The following WSCD1 variants were observed in gnomAD, a reference collection of about 807,000 sequenced individuals.
The protein encoded by WSCD1 is sialate:O-sulfotransferase 1.
WSCD1 carries 41 observed loss-of-function variants against 60.4 expected under a neutral mutation model. The ratio of observed to expected loss-of-function variants is 0.68; its 90% CI spans 0.53 to 0.88. The LOEUF is 0.88. WSCD1 is among the 40% of genes least tolerant of loss of function. The pLI, the probability that WSCD1 is intolerant of heterozygous loss-of-function variation, is 0.00. For missense variants in WSCD1, 784 were observed against 796.2 expected (o/e 0.98, Z 0.18); for synonymous variants, 361 against 332.5 (o/e 1.09, Z -0.93).
intron 2 of WSCD1, among the ~76,000 whole-genome samples, chr17:6,086,252 T>C (rs201387743): frequency 9.2e-6 from 1 of 108,974 alleles, no homozygotes; most frequent in Non-Finnish European, 2.1e-5. Flanking sequence ...CCTGACTTCA[T>C]ATATATATAT....
chr17:6,082,100 G>A (rs1366255766), intron 2 of WSCD1: 1 of 152,218 alleles, frequency 6.6e-6, no homozygotes, highest in South Asian at 2.1e-4. Context: ...CTATGCACCT[G>A]TAAGTCTGCT....
rs766340121 is a variant in WSCD1 at position 6,090,416 on chromosome 17, A to G, written c.638A>G (p.Glu213Gly). The G allele has an allele frequency of 4.3e-6, 7 of 1,612,170 alleles. No homozygotes were observed. The highest frequency in any genetic ancestry group is 5.1e-6 in the Non-Finnish European group (6 of 1,179,240). ...VSVGLEECNH[E>G]CKGEKGSVCG... ...GTGGGGCTGGAAGAGTGTAACCATG[A>G]GTGCAAAGGCGAGAAGGGCTCTGTG... is the stretch of plus-strand genomic sequence containing the variant. Residue 213 changes from glutamate (E) to glycine (G), a missense_variant, in exon 4 of 9, where the codon GAG becomes GGG. Physicochemically the swap from Glu to Gly is moderately conservative, Grantham distance 98 (BLOSUM62 -2). Transcript: ENST00000317744.
At chr17:6,099,045 G>T (rs1910628505) in intron 5 of WSCD1, among the ~76,000 whole-genome samples, 3 of 138,886 alleles carry the variant, frequency 2.2e-5, no homozygotes, top group Non-Finnish European at 4.8e-5. Context: ...AAGCAGCCCA[G>T]GTGGCCCAGC....
At chr17:6,091,922 C>T (rs752595427) in intron 4 of WSCD1, among the ~76,000 whole-genome samples, 3 of 152,218 alleles carry the variant, frequency 2.0e-5, no homozygotes, top group Non-Finnish European at 2.9e-5. Flanking sequence ...TTTGGGAGGC[C>T]AAGGCGGGCG....
chr17:6,083,021 G>C (rs549570214), intron 2 of WSCD1, among the ~76,000 whole-genome samples: 1 of 152,120 alleles, frequency 6.6e-6, no homozygotes, highest in Admixed American at 6.5e-5. Context: ...AGCAAGGCTC[G>C]TGTGTCAGAA....
chr17:6,074,547 A>T (rs1388153452), intron 1 of WSCD1, among the ~76,000 whole-genome samples: 1 of 152,208 alleles, frequency 6.6e-6, no homozygotes, highest in African/African-American at 2.4e-5. Context: ...CTGACTCAAG[A>T]CCACACACTA....
intron 4 of WSCD1, among the ~76,000 whole-genome samples, chr17:6,094,806 G>A (rs1167230974): frequency 1.3e-5 from 2 of 151,924 alleles, no homozygotes; most frequent in East Asian, 1.9e-4. Flanking sequence ...AAGGGAGGGA[G>A]GAAGGGAGGA....
intron 4 of WSCD1, among the ~76,000 whole-genome samples, chr17:6,093,710 A>G (rs1446173543): frequency 6.6e-6 from 1 of 152,214 alleles, no homozygotes; most frequent in Non-Finnish European, 1.5e-5. Flanking sequence ...ACATGGCCCC[A>G]TCAGGGGATG....
intron 3 of WSCD1, among the ~76,000 whole-genome samples, chr17:6,088,886 C>T (rs1013422197): frequency 1.3e-5 from 2 of 152,064 alleles, no homozygotes; most frequent in African/African-American, 2.4e-5. Context: ...GGGTTCACGC[C>T]ATTCGCCTGC....
intron 4 of WSCD1, 74 bp from the exon 5 acceptor site, chr17:6,095,028 C>T (rs759954228): frequency 2.1e-4 from 327 of 1,551,238 alleles, no homozygotes; most frequent in Non-Finnish European, 2.8e-4. Flanking sequence ...GACCTAAAGC[C>T]AGCATTTTCC....
At chr17:6,097,990 G>A (rs1226228193) in intron 5 of WSCD1, among the ~76,000 whole-genome samples, 3 of 148,184 alleles carry the variant, frequency 2.0e-5, no homozygotes, top group Non-Finnish European at 4.5e-5. Context: ...CCGCTCTGAT[G>A]CCCAGGTTGG....
chr17:6,103,363 G>A (rs1435576755), intron 5 of WSCD1, among the ~76,000 whole-genome samples: 1 of 152,244 alleles, frequency 6.6e-6, no homozygotes, highest in Non-Finnish European at 1.5e-5. Context: ...TGAAGAGCCA[G>A]TCCTTTCCCA....
chr17:6,105,223 A>G (rs1911019034), intron 5 of WSCD1, among the ~76,000 whole-genome samples: 2 of 152,262 alleles, frequency 1.3e-5, no homozygotes, highest in African/African-American at 4.8e-5. Flanking sequence ...AGACCGACCC[A>G]GGCTCAGGCT....
intron 5 of WSCD1, among the ~76,000 whole-genome samples, chr17:6,100,732 A>G (rs1910749848): frequency 6.6e-6 from 1 of 152,168 alleles, no homozygotes; most frequent in Non-Finnish European, 1.5e-5. Context: ...CCAACAGCCC[A>G]TATTCCCTCA....
rs372420455 is a variant in WSCD1, at chr17:6,103,140, C to G, written c.850-6467C>G. Reference sequence around the variant, plus strand: ...TCACATAACACAGAGCCTTAGTTTTCTCGTCTGCTAAATGGGATGGGTGGA... The same window carrying G: ...TCACATAACACAGAGCCTTAGTTTTGTCGTCTGCTAAATGGGATGGGTGGA... On this transcript the variant is annotated intron_variant, in intron 5 of 8. Coordinates refer to ENST00000317744, the MANE Select transcript of WSCD1 (RefSeq NM_015253.2). 7.2e-5 allele frequency among the ~76,000 whole-genome samples: 11 copies of G among 152,192 alleles called. No homozygotes were observed. In the East Asian group the frequency reaches 1.5e-3, roughly 21 times the overall value.
Position 6,110,324 on chromosome 17 carries a change from G to A in WSCD1, c.1010-447G>A, listed in dbSNP as rs1911339114. On this transcript the variant is annotated intron_variant, in intron 6 of 8. Coordinates refer to ENST00000317744, the MANE Select transcript of WSCD1 (RefSeq NM_015253.2). The surrounding 1 kb of genome is among the most constrained non-coding windows in gnomAD (Gnocchi z 4.8). ...TTCATGTGCTCCTTGTAGCAGCCCT[G>A]GGGATGAGACATAACGAATGACTTG... Among the ~76,000 whole-genome samples, 1 of 152,204 alleles carries A rather than the reference G, an allele frequency of 6.6e-6. No homozygotes were observed. Among genetic ancestry groups the A allele is most frequent in the African/African-American group, 2.4e-5 (1 of 41,432 alleles).
intron 5 of WSCD1, among the ~76,000 whole-genome samples, chr17:6,100,695 G>T (rs1347258550): frequency 6.6e-6 from 1 of 152,296 alleles, no homozygotes; most frequent in Admixed American, 6.5e-5. Context: ...ATATCTAGCA[G>T]CATCCCTAGC....
At chr17:6,096,303 T>G (rs933125918) in intron 5 of WSCD1, among the ~76,000 whole-genome samples, 9 of 151,942 alleles carry the variant, frequency 5.9e-5, no homozygotes, top group African/African-American at 2.2e-4. Context: ...GGTTGAAGGG[T>G]GCAGGGGTGG....
At chr17:6,113,080 T>A (rs1043714324) in intron 7 of WSCD1, among the ~76,000 whole-genome samples, 1 of 152,132 alleles carries the variant, frequency 6.6e-6, no homozygotes, top group Non-Finnish European at 1.5e-5. Flanking sequence ...AACAGCATGG[T>A]ACTGCTACAA....
Sources: allele counts gnomAD v4.1 joint callset (sites outside exome capture counted in the v4.1 genomes callset), GRCh38; gene constraint gnomAD v4.1.1; non-coding constraint Gnocchi (gnomAD v3.1); transcripts MANE v1.5; gene names NCBI Gene and HGNC (gene_info 2026-07-23, HGNC 2026-07-21).